Variants in EXOC4 observed in about 807,000 individuals in gnomAD.
The protein encoded by EXOC4 is exocyst complex component 4.
Under a neutral mutation model 107.2 loss-of-function variants are expected in EXOC4, and 71 were observed. The observed-to-expected ratio is 0.66, with a 90% CI of 0.55 to 0.81. EXOC4 has a LOEUF of 0.81. EXOC4 is among the 30% of genes least tolerant of loss of function. The pLI, the probability that EXOC4 is intolerant of heterozygous loss-of-function variation, is 0.00. For missense variants in EXOC4, 1,108 were observed against 1,189.6 expected, an observed-to-expected ratio of 0.93 and a Z score of 1.01; for synonymous variants, 456 against 441.2, an observed-to-expected ratio of 1.03 and a Z score of -0.42.
At chr7:133,530,756 G>A (rs557936591) in intron 9 of EXOC4, among the ~76,000 whole-genome samples, 104 of 152,204 alleles carry the variant, frequency 6.8e-4, no homozygotes, top group African/African-American at 2.4e-3. Context: ...GGGGTTTTGA[G>A]AGTAAAAAAA....
chr7:134,091,344 C>A, the EXOC4 span, among the ~76,000 whole-genome samples: 1 of 152,168 alleles, frequency 6.6e-6, no homozygotes, highest in East Asian at 1.9e-4. Flanking sequence ...AACTTCCTGT[C>A]ATTGCCATGG....
chr7:133,365,306 C>G (rs1411392351), intron 6 of EXOC4, among the ~76,000 whole-genome samples: 1 of 152,086 alleles, frequency 6.6e-6, no homozygotes, highest in East Asian at 1.9e-4. Context: ...GATCATTTTT[C>G]TAATATTCCA....
chr7:133,363,041 G>GTAATT (rs1272586762), intron 6 of EXOC4, among the ~76,000 whole-genome samples: 1 of 152,146 alleles, frequency 6.6e-6, no homozygotes, highest in Non-Finnish European at 1.5e-5. Context: ...ATTTAGATGA[G>GTAATT]TAGTTAATTC....
At chr7:133,755,226 A>G (rs1218057408) in intron 10 of EXOC4, among the ~76,000 whole-genome samples, 2 of 107,558 alleles carry the variant, frequency 1.9e-5, no homozygotes, top group Non-Finnish European at 3.6e-5. Flanking sequence ...GTGTGTGTAT[A>G]TATATATAAT....
At chr7:133,662,698 C>T (rs7783281) in intron 10 of EXOC4, among the ~76,000 whole-genome samples, 150,164 of 152,190 alleles carry the variant, frequency 0.99, 74,123 homozygotes, top group Middle Eastern at 1. Flanking sequence ...CTAAAATAAA[C>T]AAATATGTGT....
chr7:133,611,251 G>T (rs754402669), intron 9 of EXOC4, among the ~76,000 whole-genome samples: 1 of 152,162 alleles, frequency 6.6e-6, no homozygotes, highest in South Asian at 2.1e-4. Context: ...TCACTTTAGC[G>T]TGGTTGATGA....
chr7:133,884,356 C>A (rs1180796948), intron 11 of EXOC4, among the ~76,000 whole-genome samples: 1 of 152,200 alleles, frequency 6.6e-6, no homozygotes, highest in African/African-American at 2.4e-5. Flanking sequence ...CTCCACCTGG[C>A]AACCTTAATG....
In EXOC4 at chr7:133,894,972, C is replaced by A. The variant is rs1263294433; in HGVS notation, c.1735-627C>A. ...TGGGCTCCACCCAGTTTGAGCTTCC[C>A]GGCTGCTTTGTTTACCTAAGCAAGC... On this transcript the variant is annotated intron_variant, in intron 11 of 17. Transcript: ENST00000253861. The A allele has an allele frequency of 4.6e-3, 409 of 88,750 alleles. 94 individuals carry two copies. The highest frequency in any genetic ancestry group is 4.1e-3 in the Non-Finnish European group (203 of 49,308). 5.5% of individuals were successfully genotyped at this position (88,750 alleles called of 1,614,324 possible).
chr7:133,865,922 A>G (rs1798629980), intron 11 of EXOC4, among the ~76,000 whole-genome samples: 1 of 152,156 alleles, frequency 6.6e-6, no homozygotes, highest in Non-Finnish European at 1.5e-5. Flanking sequence ...ATCATCAATC[A>G]TTGTGAACTT....
At chr7:133,470,187 A>C (rs1052356775) in intron 7 of EXOC4, among the ~76,000 whole-genome samples, 6 of 152,198 alleles carry the variant, frequency 3.9e-5, no homozygotes, top group Admixed American at 3.9e-4. Flanking sequence ...GGAGAAGCTA[A>C]AGACAGAAGA....
chr7:133,433,332 T>G (rs902182676), intron 7 of EXOC4, among the ~76,000 whole-genome samples: 8 of 152,240 alleles, frequency 5.3e-5, no homozygotes, highest in Non-Finnish European at 1.2e-4. Context: ...TGACTTGATA[T>G]AACCAATGGA....
intron 7 of EXOC4, among the ~76,000 whole-genome samples, chr7:133,399,410 C>T (rs113308923): frequency 1.4e-3 from 207 of 152,288 alleles, no homozygotes; most frequent in African/African-American, 4.8e-3. Flanking sequence ...GGGAACAACA[C>T]AGTACCAGCA....
chr7:133,977,762 G>A (rs1793877306), intron 14 of EXOC4, among the ~76,000 whole-genome samples: 1 of 151,474 alleles, frequency 6.6e-6, no homozygotes, highest in Admixed American at 6.6e-5. Flanking sequence ...GTGTGTGTGT[G>A]TGTGTTTGTT....
chr7:133,315,269 G>C (rs1794964978), intron 4 of EXOC4: 1 of 152,568 alleles, frequency 6.6e-6, no homozygotes. Flanking sequence ...ATTCGCTCAT[G>C]TGCCCATGCT....
At chr7:133,955,916 A>G (rs1800808063) in intron 14 of EXOC4, among the ~76,000 whole-genome samples, 1 of 152,234 alleles carries the variant, frequency 6.6e-6, no homozygotes, top group African/African-American at 2.4e-5. Flanking sequence ...AGGCAGTGAG[A>G]GTAGGCACTT....
At chr7:133,375,997 A>G (rs1796482264) in intron 7 of EXOC4, among the ~76,000 whole-genome samples, 1 of 152,234 alleles carries the variant, frequency 6.6e-6, no homozygotes, top group African/African-American at 2.4e-5. Context: ...TATGAAAAAA[A>G]TTAAGTATAT....
intron 1 of EXOC4, among the ~76,000 whole-genome samples, chr7:133,271,019 A>G (rs1389314001): frequency 3.3e-5 from 5 of 151,836 alleles, no homozygotes; most frequent in Middle Eastern, 6.8e-3. Context: ...CCTGGGTTCA[A>G]GTGATTCTCT....
chr7:134,070,218 T>A (rs1796254477), downstream of EXOC4, among the ~76,000 whole-genome samples: 1 of 152,202 alleles, frequency 6.6e-6, no homozygotes, highest in Non-Finnish European at 1.5e-5. Flanking sequence ...CCTGTCCTAA[T>A]TAGGCACAGT....
chr7:133,424,734 TAG>T (rs1797686227), intron 7 of EXOC4, among the ~76,000 whole-genome samples: 1 of 152,240 alleles, frequency 6.6e-6, no homozygotes, highest in South Asian at 2.1e-4. Context: ...GCACTATGAA[TAG>T]AGTCAGTAAA....
Sources: allele counts gnomAD v4.1 joint callset (sites outside exome capture counted in the v4.1 genomes callset), GRCh38; gene constraint gnomAD v4.1.1; transcripts MANE v1.5; gene names NCBI Gene and HGNC (gene_info 2026-07-23, HGNC 2026-07-21).